PPP1R12B: variants seen among roughly 807,000 people sequenced by gnomAD.
PPP1R12B encodes the protein myosin phosphatase target subunit 2.
Under a neutral mutation model 126.1 loss-of-function variants are expected in PPP1R12B, and 76 were observed. That is an observed-to-expected ratio of 0.60 (90% CI 0.50 to 0.73). The LOEUF (loss-of-function observed/expected upper bound fraction) is 0.73. Among genes scored for constraint, PPP1R12B ranks in the 30% least tolerant of loss-of-function variants. The pLI, the probability that PPP1R12B is intolerant of heterozygous loss-of-function variation, is 0.00. For synonymous variants in PPP1R12B, 356 were observed against 434.7 expected, an observed-to-expected ratio of 0.82 and a Z score of 2.25; for missense variants, 1,052 against 1,205.1, an observed-to-expected ratio of 0.87 and a Z score of 1.88.
intron 1 of PPP1R12B, among the ~76,000 whole-genome samples, chr1:202,406,474 G>A (rs1460717343): frequency 2.0e-5 from 3 of 152,266 alleles, no homozygotes; most frequent in Admixed American, 2.0e-4. Flanking sequence ...CTATTTTTAG[G>A]GAGATGGTAT....
At chr1:202,482,735 T>C (rs1355356593) in intron 13 of PPP1R12B, among the ~76,000 whole-genome samples, 1 of 152,242 alleles carries the variant, frequency 6.6e-6, no homozygotes, top group African/African-American at 2.4e-5. Context: ...ATGCAAAAGC[T>C]TTTTAGTTTG....
At chr1:202,438,746 C>A in intron 10 of PPP1R12B, 1 of 702,516 alleles carries the variant, frequency 1.4e-6, no homozygotes. Flanking sequence ...CGTGAGAGAA[C>A]AGCATGTGGG....
In PPP1R12B at chr1:202,582,654, G is replaced by A. The variant is rs1689608477; in HGVS notation, c.*2094G>A. The stretch of plus-strand genomic sequence containing the variant: ...TAATCCCAGCACTTCAGGAGGCCGA[G>A]GTGGACAGATCACGAGGTCAGGAGT... On this transcript the variant is annotated 3_prime_UTR_variant, in exon 24 of 24. Coordinates refer to ENST00000608999, the MANE Select transcript of PPP1R12B (RefSeq NM_002481.4). The A allele has an allele frequency of 6.6e-6, 1 of 152,656 alleles. No homozygotes were observed. The highest frequency in any genetic ancestry group is 2.1e-4 in the South Asian group (1 of 4,832). The allele number at this position is 152,656 out of a possible 1,614,324, so 9.5% of individuals were successfully genotyped here.
intron 19 of PPP1R12B, 60 bp from the exon 20 acceptor site, chr1:202,562,718 C>G (rs1353729687): frequency 6.5e-7 from 1 of 1,537,706 alleles, no homozygotes; most frequent in East Asian, 2.3e-5. Flanking sequence ...CTGAGCATTA[C>G]CTTCTCCCCA....
intron 21 of PPP1R12B, among the ~76,000 whole-genome samples, chr1:202,566,012 G>T (rs1297648726): frequency 6.6e-6 from 1 of 152,122 alleles, no homozygotes; most frequent in East Asian, 1.9e-4. Flanking sequence ...ATCTTATGCT[G>T]GTTCTTGTCA....
Position 202,591,662 on chromosome 1 carries a change from CG to C in PPP1R12B, c.*11103del, listed in dbSNP as rs1690123327. 6.5e-6 allele frequency: 1 copy of C among 152,680 alleles called. No homozygotes were observed. Among genetic ancestry groups the C allele is most frequent in the Non-Finnish European group, 1.5e-5 (1 of 68,274 alleles). The allele number at this position is 152,680 out of a possible 1,614,324, so 9.5% of individuals were successfully genotyped here. On this transcript the variant is annotated 3_prime_UTR_variant, in exon 24 of 24. Transcript: ENST00000608999. ...TTCTGTCAGACTGCAGGAGGATGCA[CG>C]AGGGAAGAGCGTCAGCCCCTGTATT...
intron 13 of PPP1R12B, among the ~76,000 whole-genome samples, chr1:202,450,428 T>A (rs1054181855): frequency 3.9e-5 from 6 of 152,218 alleles, no homozygotes; most frequent in African/African-American, 1.4e-4. Flanking sequence ...TTTCTCCTAC[T>A]TGAGGAAGTA....
chr1:202,560,129 G>A (rs1336997320), intron 19 of PPP1R12B, among the ~76,000 whole-genome samples: 2 of 152,092 alleles, frequency 1.3e-5, no homozygotes, highest in African/African-American at 4.8e-5. Flanking sequence ...GCCATACCGA[G>A]AAACAAATGG....
intron 7 of PPP1R12B, 76 bp downstream of exon 7, chr1:202,430,886 A>G (rs1558215470): frequency 1.3e-6 from 2 of 1,535,646 alleles, no homozygotes; most frequent in Non-Finnish European, 1.8e-6. Context: ...GAATTTATAA[A>G]GTGAAGAAAC....
chr1:202,427,546 A>C (rs1262065086), intron 5 of PPP1R12B, among the ~76,000 whole-genome samples: 1 of 152,196 alleles, frequency 6.6e-6, no homozygotes, highest in East Asian at 1.9e-4. Context: ...TGTTATAATG[A>C]CAAAGATCCT....
chr1:202,569,163 A>T lies in PPP1R12B; in HGVS notation c.2828A>T (p.Glu943Val), dbSNP rs147644192. 450 of 1,613,536 alleles carry T rather than the reference A, an allele frequency of 2.8e-4. 2 individuals are homozygous for T. Among genetic ancestry groups the T allele is most frequent in the Admixed American group, 1.7e-4 (10 of 59,976 alleles). Residue 943 changes from glutamate to valine, a missense_variant, in exon 23 of 24, where the codon GAG becomes GTG. Physicochemically the swap from Glu to Val is moderately radical, Grantham distance 121. Coordinates refer to ENST00000608999, the MANE Select transcript of PPP1R12B (RefSeq NM_002481.4). ...EMEKRERRAL[E>V]RKMSEMEEEM... Reference sequence around the variant, plus strand: ...CCGAAACAGGAGAGGCGAGCCTTGGAGCGCAAAATGTCAGAAATGGAGGAA... The same window carrying T: ...CCGAAACAGGAGAGGCGAGCCTTGGTGCGCAAAATGTCAGAAATGGAGGAA...
At chr1:202,466,235 C>T (rs1194994554) in intron 13 of PPP1R12B, among the ~76,000 whole-genome samples, 1 of 151,898 alleles carries the variant, frequency 6.6e-6, no homozygotes, top group Non-Finnish European at 1.5e-5. Context: ...GAAATTCTGC[C>T]CCACCCCCCA....
chr1:202,368,161 G>A (rs952511060), intron 1 of PPP1R12B, among the ~76,000 whole-genome samples: 5 of 152,076 alleles, frequency 3.3e-5, no homozygotes, highest in Non-Finnish European at 7.4e-5. Context: ...AGTAGAAACA[G>A]GGTTTCACCA....
intron 1 of PPP1R12B, among the ~76,000 whole-genome samples, chr1:202,388,655 G>A (rs966695643): frequency 2.0e-5 from 3 of 152,134 alleles, no homozygotes; most frequent in East Asian, 1.9e-4. Flanking sequence ...CTACCTCATA[G>A]AATTGTTAGA....
At chr1:202,438,573 G>T in intron 10 of PPP1R12B, 1 of 457,888 alleles carries the variant, frequency 2.2e-6, no homozygotes, top group Non-Finnish European at 4.1e-6. Context: ...AGGCTGAACA[G>T]CCTGGGACAT....
At chr1:202,530,242 A>G (rs1476259171) in intron 18 of PPP1R12B, among the ~76,000 whole-genome samples, 1 of 152,036 alleles carries the variant, frequency 6.6e-6, no homozygotes, top group Non-Finnish European at 1.5e-5. Flanking sequence ...TGAGCCTGGC[A>G]TTTGAAATGC....
chr1:202,473,476 T>C (rs1366530714), intron 13 of PPP1R12B, among the ~76,000 whole-genome samples: 4 of 152,208 alleles, frequency 2.6e-5, no homozygotes, highest in Admixed American at 6.5e-5. Flanking sequence ...TACAGCTCAG[T>C]TGGATGGATG....
intron 19 of PPP1R12B, among the ~76,000 whole-genome samples, chr1:202,562,126 A>C (rs1406396374): frequency 6.6e-6 from 1 of 152,260 alleles, no homozygotes; most frequent in African/African-American, 2.4e-5. Context: ...CCAATACTGG[A>C]AATAAAACCA....
intron 18 of PPP1R12B, among the ~76,000 whole-genome samples, chr1:202,519,531 C>T (rs1682540787): frequency 6.6e-6 from 1 of 152,142 alleles, no homozygotes; most frequent in African/African-American, 2.4e-5. Flanking sequence ...CTCTGCCTCC[C>T]AAAGTGCTGG....
Sources: gnomAD v4.1 joint callset for allele counts (sites outside exome capture counted in the v4.1 genomes callset) on GRCh38, gnomAD v4.1.1 for gene constraint, MANE v1.5 for transcripts, NCBI Gene and HGNC (gene_info 2026-07-23, HGNC 2026-07-21) for gene names.